ZFP64: variants seen among roughly 807,000 people sequenced by gnomAD.
ZFP64 encodes zinc finger protein 64.
In ZFP64, 14 loss-of-function variants were observed where a neutral mutation model predicts 51.6. The ratio of observed to expected loss-of-function variants is 0.27; its 90% CI spans 0.18 to 0.42. The LOEUF is 0.42. Ranked by LOEUF, ZFP64 falls within the 10% of genes least tolerant of loss-of-function variation. The probability of loss-of-function intolerance (pLI) is 1.00; values close to 1 mark genes in which losing one functional copy is unlikely to be tolerated. For missense variants in ZFP64, 754 were observed against 906.8 expected (o/e 0.83, Z 2.16); for synonymous variants, 375 against 361.4 (o/e 1.04, Z -0.43).
At chr20:52,183,034 T>C (rs1983720871) in intron 2 of ZFP64, among the ~76,000 whole-genome samples, 1 of 152,044 alleles carries the variant, frequency 6.6e-6, no homozygotes, top group African/African-American at 2.4e-5. Flanking sequence ...GACATAAGAA[T>C]TAAGGCAGTT....
intron 7 of ZFP64, among the ~76,000 whole-genome samples, chr20:52,091,990 C>G (rs1345032108): frequency 2.6e-5 from 4 of 151,776 alleles, no homozygotes; most frequent in African/African-American, 9.7e-5. Flanking sequence ...AACTCCGTCT[C>G]AAAACAAAAC....
chr20:52,116,499 GT>G (rs1978881682), intron 5 of ZFP64, among the ~76,000 whole-genome samples: 1 of 148,836 alleles, frequency 6.7e-6, no homozygotes. Flanking sequence ...CTACTTTATA[GT>G]TAAGAATTAA....
At chr20:52,118,334 A>G (rs1978988385) in intron 5 of ZFP64, among the ~76,000 whole-genome samples, 1 of 152,066 alleles carries the variant, frequency 6.6e-6, no homozygotes. Context: ...AACAGCCTCT[A>G]ATTCACCTGC....
intron 8 of ZFP64, among the ~76,000 whole-genome samples, chr20:52,086,293 T>G (rs1190505779): frequency 6.6e-6 from 1 of 152,194 alleles, no homozygotes; most frequent in Non-Finnish European, 1.5e-5. Flanking sequence ...CTTATAAGTC[T>G]GCTGTCACAC....
chr20:52,142,656 A>G (rs6021735), intron 5 of ZFP64, among the ~76,000 whole-genome samples: 54,443 of 149,158 alleles, frequency 0.37, 10,785 homozygotes, highest in Non-Finnish European at 0.42. Context: ...CCTGACCAAC[A>G]TGGTGAAACC....
intron 5 of ZFP64, among the ~76,000 whole-genome samples, chr20:52,137,883 A>G (rs1366667964): frequency 1.3e-5 from 2 of 152,150 alleles, no homozygotes; most frequent in Non-Finnish European, 2.9e-5. Context: ...ATTGTTAAAT[A>G]TTGGAAAGCA....
chr20:52,184,821 T>C (rs928442461), intron 2 of ZFP64, among the ~76,000 whole-genome samples: 1 of 151,834 alleles, frequency 6.6e-6, no homozygotes, highest in Non-Finnish European at 1.5e-5. Flanking sequence ...AGAGGTGGGG[T>C]CTTGCTATGT....
At chr20:52,089,514 G>A (rs1055251019) in intron 7 of ZFP64, among the ~76,000 whole-genome samples, 1 of 152,106 alleles carries the variant, frequency 6.6e-6, no homozygotes, top group African/African-American at 2.4e-5. Context: ...GCTGAGGTGG[G>A]TGGATCGCTT....
intron 5 of ZFP64, among the ~76,000 whole-genome samples, chr20:52,112,082 CAAAAAAAAA>C (rs375422075): frequency 1.3e-5 from 1 of 78,398 alleles, no homozygotes; most frequent in African/African-American, 4.9e-5. Context: ...ACTCTATCTC[CAAAAAAAAA>C]AAAAAAAAAC....
At position 52,189,848 on chromosome 20, in the gene ZFP64, C is replaced by T. The variant is rs116368806; in HGVS notation, c.46+1743G>A. Among the ~76,000 whole-genome samples, 521 of 152,182 alleles carry T rather than the reference C, an allele frequency of 3.4e-3. 3 individuals carry two copies. The highest frequency in any genetic ancestry group is 0.012 in the African/African-American group (499 of 41,520). ...TCATATATATATGATTATTTAATGGCAATACATTATTCCATGGTGTCCATG... is the reference window on the plus strand; with the variant it reads ...TCATATATATATGATTATTTAATGGTAATACATTATTCCATGGTGTCCATG... On this transcript the variant is annotated intron_variant, in intron 1 of 5. Coordinates refer to ENST00000216923, the MANE Select transcript of ZFP64 (RefSeq NM_018197.3).
intron 5 of ZFP64, among the ~76,000 whole-genome samples, chr20:52,154,905 C>T (rs942209196): frequency 1.3e-5 from 2 of 152,120 alleles, no homozygotes; most frequent in African/African-American, 4.8e-5. Flanking sequence ...TACTATCTGG[C>T]CCTTTTCAGA....
At chr20:52,095,088 A>C (rs2078974172) in intron 7 of ZFP64, among the ~76,000 whole-genome samples, 1 of 152,260 alleles carries the variant, frequency 6.6e-6, no homozygotes, top group African/African-American at 2.4e-5. Flanking sequence ...AAGCAATCCA[A>C]AAGAACCACA....
intron 5 of ZFP64, among the ~76,000 whole-genome samples, chr20:52,136,940 T>C (rs1468814878): frequency 2.0e-5 from 3 of 152,106 alleles, no homozygotes; most frequent in African/African-American, 7.2e-5. Context: ...AATTTTTGTA[T>C]TTTTAGCAGA....
chr20:52,168,491 C>G (rs555958478), intron 2 of ZFP64, among the ~76,000 whole-genome samples: 1 of 152,328 alleles, frequency 6.6e-6, no homozygotes, highest in South Asian at 2.1e-4. Context: ...CCATCTCAGA[C>G]CTACTGAATC....
intron 2 of ZFP64, among the ~76,000 whole-genome samples, chr20:52,175,312 G>A (rs1600805769): frequency 6.6e-6 from 1 of 151,832 alleles, no homozygotes; most frequent in Admixed American, 6.6e-5. Flanking sequence ...TTGTAGAGAC[G>A]GGGTTTCGCC....
At chr20:52,183,926 C>G (rs1983785634) in intron 2 of ZFP64, among the ~76,000 whole-genome samples, 1 of 152,160 alleles carries the variant, frequency 6.6e-6, no homozygotes, top group Admixed American at 6.5e-5. Context: ...GGCACTCTCA[C>G]TGCAGCCTCT....
At chr20:52,098,684 C>T (rs987310954) in intron 5 of ZFP64, 69 of 1,503,086 alleles carry the variant, frequency 4.6e-5, no homozygotes, top group Non-Finnish European at 6.2e-5. Flanking sequence ...CCTCCCTTCA[C>T]CTTTCCAGAA....
chr20:52,120,481 C>G (rs1027537586), intron 5 of ZFP64, among the ~76,000 whole-genome samples: 1 of 152,114 alleles, frequency 6.6e-6, no homozygotes, highest in Non-Finnish European at 1.5e-5. Flanking sequence ...TCGCACGTCA[C>G]AGACACTGTG....
At chr20:52,112,082 C>CAAAAAAAAAA (rs375422075) in intron 5 of ZFP64, among the ~76,000 whole-genome samples, 5 of 78,400 alleles carry the variant, frequency 6.4e-5, no homozygotes, top group Non-Finnish European at 7.3e-5. Context: ...ACTCTATCTC[C>CAAAAAAAAAA]AAAAAAAAAA....
Sources: gnomAD v4.1 joint callset for allele counts (sites outside exome capture counted in the v4.1 genomes callset) on GRCh38, gnomAD v4.1.1 for gene constraint, MANE v1.5 for transcripts, NCBI Gene and HGNC (gene_info 2026-07-23, HGNC 2026-07-21) for gene names.